The following TTLL5 variants were observed in gnomAD, a reference collection of about 807,000 sequenced individuals.
TTLL5 encodes the protein tubulin tyrosine ligase like 5, also known as tubulin polyglutamylase TTLL5.
A neutral mutation model predicts 168.4 loss-of-function variants in TTLL5; 132 were observed. The ratio of observed to expected loss-of-function variants is 0.78; its 90% CI spans 0.68 to 0.91. The LOEUF is 0.91. TTLL5 is among the 40% of genes least tolerant of loss of function. The probability of loss-of-function intolerance (pLI) is 0.00; values close to 1 mark genes in which losing one functional copy is unlikely to be tolerated. For synonymous variants in TTLL5, 546 were observed against 558.6 expected, an observed-to-expected ratio of 0.98 and a Z score of 0.32; for missense variants, 1,545 against 1,581.5, an observed-to-expected ratio of 0.98 and a Z score of 0.39.
At chr14:75,880,888 A>G (rs2031772649) in intron 29 of TTLL5, among the ~76,000 whole-genome samples, 1 of 152,028 alleles carries the variant, frequency 6.6e-6, no homozygotes, top group African/African-American at 2.4e-5. Context: ...GGCTTTGCCC[A>G]TGACCTTGCA....
intron 31 of TTLL5, among the ~76,000 whole-genome samples, chr14:75,928,936 C>T (rs906009954): frequency 1.3e-5 from 2 of 152,172 alleles, no homozygotes; most frequent in Non-Finnish European, 2.9e-5. Flanking sequence ...TTATCCTCGG[C>T]ATAAATCCAT....
chr14:75,764,882 A>C, intron 19 of TTLL5, 110 bp downstream of exon 19: 1 of 1,244,414 alleles, frequency 8.0e-7, no homozygotes, highest in Non-Finnish European at 1.1e-6. Flanking sequence ...GATCACATAC[A>C]CCTTTTTTAT....
intron 5 of TTLL5, among the ~76,000 whole-genome samples, chr14:75,686,450 G>C (rs913207670): frequency 6.6e-6 from 1 of 152,126 alleles, no homozygotes; most frequent in African/African-American, 2.4e-5. Context: ...GGTCCCATCT[G>C]GAAGGGTCAT....
At chr14:75,880,169 A>G (rs2031728199) in intron 29 of TTLL5, among the ~76,000 whole-genome samples, 2 of 152,076 alleles carry the variant, frequency 1.3e-5, no homozygotes, top group Admixed American at 6.6e-5. Context: ...GTGTACATAC[A>G]TATATAGATA....
intron 28 of TTLL5, among the ~76,000 whole-genome samples, chr14:75,848,740 T>C (rs1212154135): frequency 6.6e-6 from 1 of 152,228 alleles, no homozygotes; most frequent in African/African-American, 2.4e-5. Flanking sequence ...AGACTCCTAA[T>C]AGATAAAGGA....
intron 31 of TTLL5, among the ~76,000 whole-genome samples, chr14:75,939,244 TGTAA>T (rs1454738583): frequency 2.6e-5 from 4 of 152,174 alleles, no homozygotes; most frequent in African/African-American, 9.7e-5. Flanking sequence ...TAAAAGTAAG[TGTAA>T]GTATTATGGG....
At chr14:75,757,571 AG>A (rs1395759349) in intron 18 of TTLL5, among the ~76,000 whole-genome samples, 1 of 152,230 alleles carries the variant, frequency 6.6e-6, no homozygotes, top group Non-Finnish European at 1.5e-5. Context: ...TAGATAAGCA[AG>A]TACAAATAAT....
intron 31 of TTLL5, among the ~76,000 whole-genome samples, chr14:75,943,201 A>T (rs1034806111): frequency 6.6e-6 from 1 of 152,184 alleles, no homozygotes; most frequent in Non-Finnish European, 1.5e-5. Context: ...TGACCCCGTC[A>T]CTGGATCACC....
At chr14:75,822,680 G>C (rs1025004536) in intron 28 of TTLL5, among the ~76,000 whole-genome samples, 1 of 152,148 alleles carries the variant, frequency 6.6e-6, no homozygotes, top group Non-Finnish European at 1.5e-5. Context: ...TGTTGCTATT[G>C]TTCCCAATTT....
intron 9 of TTLL5, among the ~76,000 whole-genome samples, chr14:75,713,920 G>A (rs1042242823): frequency 2.6e-5 from 4 of 151,812 alleles, no homozygotes; most frequent in African/African-American, 9.7e-5. Flanking sequence ...CCTATGTCTA[G>A]AGATCTCATT....
At chr14:75,678,485 G>A (rs11625011) in intron 3 of TTLL5, among the ~76,000 whole-genome samples, 79,962 of 151,938 alleles carry the variant, frequency 0.53, 23,881 homozygotes, top group Non-Finnish European at 0.66. Context: ...CTTCTATAGT[G>A]GTTTTTTGTT....
rs1226532399 is a variant in TTLL5, at chr14:75,661,303, T to A, written c.-180T>A. 6.6e-6 allele frequency: 1 copy of A among 152,242 alleles called. No individual in the cohort carries two copies. The highest frequency in any genetic ancestry group is 1.5e-5 in the Non-Finnish European group (1 of 68,048). 9.4% of individuals were successfully genotyped at this position (152,242 alleles called of 1,614,324 possible). ...GGGAAGCAGCCGTCGGCGGCTGCCC[T>A]GAGCCTTCCTGGGGAAGGAGGAGGG... On this transcript the variant is annotated 5_prime_UTR_variant, in exon 1 of 32. Coordinates refer to ENST00000298832, the MANE Select transcript of TTLL5 (RefSeq NM_015072.5).
rs1293833536 is a variant in TTLL5, at chr14:75,926,937, T to G, written c.3823+24713T>G. Reference sequence around the variant, plus strand: ...AAATGTTAGCCAGAAAATGAAGTGATAAACAAAATGCAGTGTATATATACA... The same window carrying G: ...AAATGTTAGCCAGAAAATGAAGTGAGAAACAAAATGCAGTGTATATATACA... On this transcript the variant is annotated intron_variant, in intron 31 of 31. Transcript: ENST00000298832. Among the ~76,000 whole-genome samples, 4 of 152,222 alleles carry G rather than the reference T, an allele frequency of 2.6e-5. No individual in the cohort carries two copies. The East Asian group carries it at 7.7e-4, about 29-fold the overall frequency.
At chr14:75,713,064 G>A (rs117181578) in intron 9 of TTLL5, among the ~76,000 whole-genome samples, 1,724 of 152,228 alleles carry the variant, frequency 0.011, 23 homozygotes, top group Non-Finnish European at 0.019. Context: ...CCTAAATCTT[G>A]ATCTCATTAA....
At position 75,783,312 on chromosome 14, in the gene TTLL5, C is replaced by T; in HGVS notation, c.2768C>T (p.Ser923Leu). The change falls in exon 26 of 32, where the codon TCA becomes TTA. Residue 923 changes from serine to leucine, a missense_variant. Physicochemically the swap from Ser to Leu is moderately radical, Grantham distance 145. Coordinates refer to ENST00000298832, the MANE Select transcript of TTLL5 (RefSeq NM_015072.5). ...CATTCTTCTTTATCTCAAATTCCTT[C>T]AGCTATCCCCAGCATGCCTCACCAG... is the stretch of plus-strand genomic sequence containing the variant. ...CHHSSLSQIP[S>L]AIPSMPHQPT... is the part of the protein sequence containing the mutation. 1 of 1,614,176 alleles carries T rather than the reference C, an allele frequency of 6.2e-7. No homozygotes were observed. Among genetic ancestry groups the T allele is most frequent in the African/African-American group, 1.3e-5 (1 of 75,034 alleles).
chr14:75,737,320 A>G (rs1201856250), intron 15 of TTLL5, among the ~76,000 whole-genome samples: 1 of 152,230 alleles, frequency 6.6e-6, no homozygotes, highest in Non-Finnish European at 1.5e-5. Context: ...CAGGATCTTC[A>G]GTATCTGGCA....
chr14:75,952,428 G>A (rs915647319), intron 31 of TTLL5, among the ~76,000 whole-genome samples: 10 of 152,236 alleles, frequency 6.6e-5, no homozygotes, highest in Non-Finnish European at 8.8e-5. Context: ...GTAAAATGGC[G>A]TGACTGCTTT....
At chr14:75,893,842 A>G (rs1369427922) in intron 30 of TTLL5, among the ~76,000 whole-genome samples, 1 of 29,916 alleles carries the variant, frequency 3.3e-5, no homozygotes, top group Non-Finnish European at 5.6e-5. Flanking sequence ...AAAAAAAAAT[A>G]GTGAAGGCAA....
At chr14:75,828,923 A>C (rs1344113278) in intron 28 of TTLL5, among the ~76,000 whole-genome samples, 2 of 152,206 alleles carry the variant, frequency 1.3e-5, no homozygotes, top group Non-Finnish European at 2.9e-5. Flanking sequence ...ATCCTCAAAA[A>C]GTTAACATGT....
Sources: allele counts gnomAD v4.1 joint callset (sites outside exome capture counted in the v4.1 genomes callset), GRCh38; gene constraint gnomAD v4.1.1; transcripts MANE v1.5; gene names NCBI Gene and HGNC (gene_info 2026-07-23, HGNC 2026-07-21).